GPHN: variants seen among roughly 807,000 people sequenced by gnomAD.
The protein encoded by GPHN is gephyrin.
A neutral mutation model predicts 95.5 loss-of-function variants in GPHN; 17 were observed. The ratio of observed to expected loss-of-function variants is 0.18; its 90% confidence interval spans 0.12 to 0.27. The LOEUF (loss-of-function observed/expected upper bound fraction) is 0.27. Ranked by LOEUF, GPHN falls within the 10% of genes least tolerant of loss-of-function variation. The probability of loss-of-function intolerance (pLI) is 1.00; values close to 1 mark genes in which losing one functional copy is unlikely to be tolerated. For missense variants in GPHN, 660 were observed against 978.1 expected (o/e 0.67, Z 4.34); for synonymous variants, 320 against 322.5 (o/e 0.99, Z 0.08).
intron 6 of GPHN, among the ~76,000 whole-genome samples, chr14:66,917,473 T>A (rs2065972602): frequency 6.6e-6 from 1 of 152,190 alleles, no homozygotes; most frequent in Non-Finnish European, 1.5e-5. Context: ...CCTTACTGCA[T>A]AACCTATCCA....
chr14:66,613,464 C>T (rs1483338210), intron 1 of GPHN, among the ~76,000 whole-genome samples: 3 of 152,038 alleles, frequency 2.0e-5, no homozygotes, highest in Non-Finnish European at 4.4e-5. Flanking sequence ...GAAAAGGACG[C>T]TTGTTTACAG....
At chr14:67,066,587 T>C (rs985075344) in intron 11 of GPHN, among the ~76,000 whole-genome samples, 3 of 152,212 alleles carry the variant, frequency 2.0e-5, no homozygotes, top group African/African-American at 7.2e-5. Context: ...GAATTTGTCT[T>C]TTCACATAGT....
the GPHN span, among the ~76,000 whole-genome samples, chr14:67,291,408 C>T: frequency 1.3e-5 from 2 of 151,792 alleles, no homozygotes; most frequent in East Asian, 1.9e-4. Context: ...GCCTCGCCTC[C>T]GAAGTAGCTA....
chr14:67,247,258 AATT>A, the GPHN span, among the ~76,000 whole-genome samples: 1 of 152,162 alleles, frequency 6.6e-6, no homozygotes, highest in African/African-American at 2.4e-5. Flanking sequence ...GTCTATACCT[AATT>A]ATTTTAATTT....
chr14:67,704,590 G>A, the GPHN span, among the ~76,000 whole-genome samples: 1 of 152,124 alleles, frequency 6.6e-6, no homozygotes, highest in Non-Finnish European at 1.5e-5. Flanking sequence ...AACTCAGCAG[G>A]TGTCTTAGAG....
At chr14:66,600,364 T>C (rs2062175397) in intron 1 of GPHN, among the ~76,000 whole-genome samples, 1 of 152,084 alleles carries the variant, frequency 6.6e-6, no homozygotes, top group South Asian at 2.1e-4. Flanking sequence ...TAACTATATA[T>C]TTGTCAGTAT....
chr14:67,488,243 G>C, the GPHN span, among the ~76,000 whole-genome samples: 159 of 152,346 alleles, frequency 1.0e-3, no homozygotes, highest in African/African-American at 3.7e-3. Context: ...CTGACCACCA[G>C]GGTCTCTGAG....
At chr14:67,204,502 G>A in the GPHN span, 1 of 1,583,078 alleles carries the variant, frequency 6.3e-7, no homozygotes, top group Admixed American at 1.8e-5. Flanking sequence ...CTCCCATCAG[G>A]TCTCCAGATG....
chr14:67,148,284 C>T (rs2081021132), intron 18 of GPHN, among the ~76,000 whole-genome samples: 1 of 152,060 alleles, frequency 6.6e-6, no homozygotes, highest in African/African-American at 2.4e-5. Flanking sequence ...GTAGGACAGG[C>T]GTTAATCAGT....
At chr14:66,806,411 A>T (rs1055387493) in intron 3 of GPHN, among the ~76,000 whole-genome samples, 1 of 152,226 alleles carries the variant, frequency 6.6e-6, no homozygotes, top group Non-Finnish European at 1.5e-5. Flanking sequence ...TTACTCATGC[A>T]GATTTCTGCA....
At chr14:67,432,784 G>A in the GPHN span, among the ~76,000 whole-genome samples, 2 of 151,996 alleles carry the variant, frequency 1.3e-5, no homozygotes, top group South Asian at 2.1e-4. Flanking sequence ...GGTGGTTGCC[G>A]GCAACCTGGG....
At chr14:67,467,246 A>G in the GPHN span, 4 of 152,150 alleles carry the variant, frequency 2.6e-5, no homozygotes, top group Non-Finnish European at 5.9e-5. Context: ...GGTATCTAAT[A>G]AGGAGTTGAT....
intron 1 of GPHN, among the ~76,000 whole-genome samples, chr14:66,575,383 T>C (rs2060862253): frequency 6.6e-6 from 1 of 152,268 alleles, no homozygotes; most frequent in Admixed American, 6.5e-5. Context: ...GTCTTTGCCA[T>C]TTGAGAATTT....
the GPHN span, among the ~76,000 whole-genome samples, chr14:67,551,647 G>C: frequency 6.6e-6 from 1 of 152,108 alleles, no homozygotes; most frequent in African/African-American, 2.4e-5. Context: ...CCAGGACTTA[G>C]GGAGGCCGAG....
rs140048579 is a variant in GPHN, at chr14:66,697,336, C to A, written c.143+16151C>A. The stretch of plus-strand genomic sequence containing the variant: ...AGTTATGTAGTACGTTGTGTGACTT[C>A]ACAGTATCAGGTTTTGTGAACTTCT... On this transcript the variant is annotated intron_variant, in intron 2 of 22. Coordinates refer to ENST00000478722, the MANE Select transcript of GPHN (RefSeq NM_020806.5). 5.0e-3 allele frequency among the ~76,000 whole-genome samples: 760 copies of A among 152,302 alleles called. 6 individuals are homozygous for A. Among genetic ancestry groups the A allele is most frequent in the African/African-American group, 0.018 (742 of 41,568 alleles).
chr14:66,837,457 G>A (rs1160155257), intron 4 of GPHN, among the ~76,000 whole-genome samples: 4 of 103,192 alleles, frequency 3.9e-5, no homozygotes, highest in Non-Finnish European at 7.5e-5. Context: ...GGTGGGGGGA[G>A]GGGGGAGGGA....
the GPHN span, chr14:67,364,884 C>T: frequency 1.2e-6 from 2 of 1,613,966 alleles, no homozygotes; most frequent in South Asian, 2.2e-5. Flanking sequence ...TGCTGGAATA[C>T]AACAACATTG....
chr14:66,629,915 C>T (rs1023189549), intron 1 of GPHN, among the ~76,000 whole-genome samples: 1 of 152,132 alleles, frequency 6.6e-6, no homozygotes, highest in African/African-American at 2.4e-5. Context: ...TTCTGCCTTT[C>T]TCTGTTACTA....
At chr14:67,308,477 G>A in the GPHN span, among the ~76,000 whole-genome samples, 11 of 151,360 alleles carry the variant, frequency 7.3e-5, no homozygotes, top group Admixed American at 1.3e-4. Context: ...CCAAAGGAGT[G>A]TCCATTGAGC....
Sources: gnomAD v4.1 joint callset for allele counts (sites outside exome capture counted in the v4.1 genomes callset) on GRCh38, gnomAD v4.1.1 for gene constraint, MANE v1.5 for transcripts, NCBI Gene and HGNC (gene_info 2026-07-23, HGNC 2026-07-21) for gene names.